The following CDKL3 variants were observed in gnomAD, a reference collection of about 807,000 sequenced individuals.
CDKL3 encodes the protein cyclin dependent kinase like 3.
A neutral mutation model predicts 69.3 loss-of-function variants in CDKL3; 65 were observed. That is an observed-to-expected ratio of 0.94 (90% confidence interval 0.77 to 1.15). The LOEUF is 1.15. Among genes scored for constraint, CDKL3 ranks in the 50% most tolerant of loss-of-function variants. The pLI is 0.00. For missense variants in CDKL3, 652 were observed against 689.2 expected, an observed-to-expected ratio of 0.95 and a Z score of 0.61; for synonymous variants, 202 against 221.6, an observed-to-expected ratio of 0.91 and a Z score of 0.79.
intron 8 of CDKL3, among the ~76,000 whole-genome samples, chr5:134,292,587 TAATA>T (rs1212115183): frequency 2.0e-5 from 3 of 151,102 alleles, no homozygotes; most frequent in Admixed American, 1.3e-4. Flanking sequence ...AAAGAAGAAA[TAATA>T]AATATAAGAA....
chr5:134,366,140 GAAT>G (rs1420139372), intron 2 of CDKL3, among the ~76,000 whole-genome samples: 11 of 152,058 alleles, frequency 7.2e-5, no homozygotes, highest in Non-Finnish European at 1.0e-4. Context: ...GAATATTTCT[GAAT>G]AATTATTAAA....
Position 134,298,620 on chromosome 5 carries a change from G to A in CDKL3, c.*31C>T. Reference sequence around the variant, plus strand: ...ATAAAACGGGAAGAGTTGTCATCTTGTATTTTTTGGACTATGTAAAAGAAA... The same window carrying A: ...ATAAAACGGGAAGAGTTGTCATCTTATATTTTTTGGACTATGTAAAAGAAA... On this transcript the variant is annotated 3_prime_UTR_variant, in exon 13 of 13. Coordinates refer to ENST00000265334, the MANE Select transcript of CDKL3 (RefSeq NM_001113575.2). 6.2e-7 allele frequency: 1 copy of A among 1,601,614 alleles called. No homozygotes were observed. The highest frequency in any genetic ancestry group is 8.5e-7 in the Non-Finnish European group (1 of 1,176,324).
At chr5:134,362,781 T>C (rs985471878) in intron 2 of CDKL3, among the ~76,000 whole-genome samples, 2 of 151,726 alleles carry the variant, frequency 1.3e-5, no homozygotes, top group African/African-American at 2.4e-5. Flanking sequence ...ATACAAAAAT[T>C]AGCTGGGCGT....
chr5:134,329,139 G>A (rs370735374), intron 4 of CDKL3, among the ~76,000 whole-genome samples: 2 of 152,116 alleles, frequency 1.3e-5, no homozygotes, highest in East Asian at 1.9e-4. Flanking sequence ...ACAGGAGTTC[G>A]AGACCAGCCT....
chr5:134,341,919 C>T (rs149935810), intron 4 of CDKL3, among the ~76,000 whole-genome samples: 278 of 152,358 alleles, frequency 1.8e-3, no homozygotes, highest in African/African-American at 6.4e-3. Flanking sequence ...CTCAAACCTG[C>T]CTATAAAATC....
At chr5:134,366,845 T>C in intron 1 of CDKL3, 132 bp downstream of exon 1, 1 of 986,304 alleles carries the variant, frequency 1.0e-6, no homozygotes, top group Non-Finnish European at 1.2e-6. Flanking sequence ...ATGGGGTCCC[T>C]ACACTTCCTG....
intron 4 of CDKL3, among the ~76,000 whole-genome samples, chr5:134,334,562 C>T (rs1319368918): frequency 3.3e-5 from 5 of 152,212 alleles, no homozygotes; most frequent in East Asian, 1.9e-4. Context: ...GCCTTCATTT[C>T]GTAATTTACC....
intron 4 of CDKL3, among the ~76,000 whole-genome samples, chr5:134,322,784 A>G (rs1383867070): frequency 6.6e-6 from 1 of 152,206 alleles, no homozygotes; most frequent in African/African-American, 2.4e-5. Context: ...GTTCGAGACA[A>G]GCCTGACCAA....
intron 4 of CDKL3, among the ~76,000 whole-genome samples, chr5:134,346,057 TCTTCCGCCTGCCCAC>T (rs1751786500): frequency 6.6e-6 from 1 of 152,128 alleles, no homozygotes; most frequent in South Asian, 2.1e-4. Context: ...CCAGGATTCC[TCTTCCGCCTGCCCAC>T]CTCCAGAGCG....
chr5:134,313,331 C>T (rs889823887), intron 6 of CDKL3, among the ~76,000 whole-genome samples: 11 of 152,164 alleles, frequency 7.2e-5, no homozygotes, highest in Admixed American at 6.5e-5. Flanking sequence ...ATCCTCCTTC[C>T]TTAGCCTCTT....
At chr5:134,325,431 T>C (rs762096452) in intron 4 of CDKL3, among the ~76,000 whole-genome samples, 3 of 152,226 alleles carry the variant, frequency 2.0e-5, no homozygotes, top group Admixed American at 1.3e-4. Flanking sequence ...ATTTAATGAA[T>C]ATTAGTAAGT....
Position 134,360,068 on chromosome 5 carries a change from G to T in CDKL3, c.189C>A (p.Val63=). 2 of 1,539,774 alleles carry T rather than the reference G, an allele frequency of 1.3e-6. No homozygotes were observed. The highest frequency in any genetic ancestry group is 2.5e-5 in the South Asian group (2 of 80,280). The change falls in exon 3 of 13, where the codon GTC becomes GTA. Residue 63 remains valine (V), a synonymous_variant. Coordinates refer to ENST00000265334, the MANE Select transcript of CDKL3 (RefSeq NM_001113575.2). The part of the protein sequence containing the change: ...FLKQFHHENL[V]NLIEVFRQKK... ...TCTGTCTAAAAACTTCAATCAGATT[G>T]ACCAGGTTTTCGTGATGAAATTGCT...
intron 6 of CDKL3, among the ~76,000 whole-genome samples, chr5:134,316,580 G>C (rs1278382243): frequency 3.4e-5 from 5 of 149,142 alleles, no homozygotes; most frequent in African/African-American, 1.0e-4. Context: ...CTGGGTGACA[G>C]AGCGAGACTC....
chr5:134,332,708 AGTTTG>A (rs1349691584), intron 4 of CDKL3, among the ~76,000 whole-genome samples: 4 of 152,170 alleles, frequency 2.6e-5, no homozygotes, highest in Admixed American at 2.6e-4. Flanking sequence ...CTTGTAGTAT[AGTTTG>A]AAGTCAGGTA....
At position 134,313,746 on chromosome 5, in the gene CDKL3, G is replaced by GT. The variant is rs113107142; in HGVS notation, c.793-1367dup. 1.4e-3 allele frequency among the ~76,000 whole-genome samples: 205 copies of GT among 149,088 alleles called. 1 individual carries two copies. In the Middle Eastern group the frequency reaches 0.021, roughly 15 times the overall value. On this transcript the variant is annotated intron_variant, in intron 6 of 12. Coordinates refer to ENST00000265334, the MANE Select transcript of CDKL3 (RefSeq NM_001113575.2). ...GAAGGTAGATTCCATGTTATGTGGGGTTTTTTTTTTACCAAAATAAAAAAC... is the reference window on the plus strand; with the variant it reads ...GAAGGTAGATTCCATGTTATGTGGGGTTTTTTTTTTTACCAAAATAAAAAAC...
chr5:134,299,818 C>G, intron 12 of CDKL3: 4 of 1,034,308 alleles, frequency 3.9e-6, no homozygotes, highest in Non-Finnish European at 5.7e-6. Flanking sequence ...GAAATACAGC[C>G]AGAGATAAAT....
At chr5:134,340,454 T>A (rs983763717) in intron 4 of CDKL3, among the ~76,000 whole-genome samples, 9 of 151,908 alleles carry the variant, frequency 5.9e-5, no homozygotes, top group Non-Finnish European at 1.3e-4. Context: ...TCAACAAAAT[T>A]GAAAAACATT....
In CDKL3 at chr5:134,298,616, T is replaced by A. The variant is rs1226722026; in HGVS notation, c.*35A>T. ...ATAAATAAAACGGGAAGAGTTGTCA[T>A]CTTGTATTTTTTGGACTATGTAAAA... On this transcript the variant is annotated 3_prime_UTR_variant, in exon 13 of 13. Transcript: ENST00000265334. 1 of 1,602,354 alleles carries A rather than the reference T, an allele frequency of 6.2e-7. No individual in the cohort carries two copies. Among genetic ancestry groups the A allele is most frequent in the Non-Finnish European group, 8.5e-7 (1 of 1,176,652 alleles).
chr5:134,302,694 C>CA lies in CDKL3; in HGVS notation c.1622-8dup. 7.2e-7 allele frequency: 1 copy of CA among 1,394,940 alleles called. No individual in the cohort carries two copies. Among genetic ancestry groups the CA allele is most frequent in the South Asian group, 1.3e-5 (1 of 78,256 alleles). The allele number at this position is 1,394,940 out of a possible 1,614,324, so 86.4% of individuals were successfully genotyped here. ...AGCATTTTTATCTGTTTAACTTTTG[C>CA]AAAAATATACAAAACAATGAAAATT... On this transcript the variant is annotated splice_region_variant and splice_polypyrimidine_tract_variant and intron_variant, in intron 11 of 12. Transcript: ENST00000265334.
Sources: allele counts gnomAD v4.1 joint callset (sites outside exome capture counted in the v4.1 genomes callset), GRCh38; gene constraint gnomAD v4.1.1; transcripts MANE v1.5; gene names NCBI Gene and HGNC (gene_info 2026-07-23, HGNC 2026-07-21).